Variants in CRYL1 observed in about 807,000 individuals in gnomAD.
The protein encoded by CRYL1 is lambda-crystallin homolog.
Under a neutral mutation model 36.6 loss-of-function variants are expected in CRYL1, and 29 were observed. The observed-to-expected ratio is 0.79, with a 90% CI of 0.59 to 1.08. The LOEUF is 1.08. Among genes scored for constraint, CRYL1 ranks in the 50% least tolerant of loss-of-function variants. The pLI is 0.00. For synonymous variants in CRYL1, 152 were observed against 151.5 expected, an observed-to-expected ratio of 1.00 and a Z score of -0.02; for missense variants, 411 against 407.9, an observed-to-expected ratio of 1.01 and a Z score of -0.06.
intron 3 of CRYL1, among the ~76,000 whole-genome samples, chr13:20,452,836 C>T (rs2032599314): frequency 6.6e-6 from 1 of 152,122 alleles, no homozygotes; most frequent in African/African-American, 2.4e-5. Context: ...TCTGTCCCTT[C>T]TTCTTAATTT....
chr13:20,432,144 G>A lies in CRYL1; in HGVS notation c.591C>T (p.Arg197=). Residue 197 remains arginine, a synonymous_variant, in exon 5 of 8, where the codon CGC becomes CGT. Coordinates refer to ENST00000298248, the MANE Select transcript of CRYL1 (RefSeq NM_015974.3). ...QKEVAGFVLN[R]LQYAIISEAW... ...CCTCGCTGATGATTGCATATTGCAG[G>A]CGGTTCAGAACGAAGCCGGCCACCT... 6.2e-7 allele frequency: 1 copy of A among 1,614,136 alleles called. No individual in the cohort carries two copies. The highest frequency in any genetic ancestry group is 1.1e-5 in the South Asian group (1 of 91,074).
Position 20,481,391 on chromosome 13 carries a change from A to G in CRYL1, c.276+7979T>C, listed in dbSNP as rs888006406. On this transcript the variant is annotated intron_variant, in intron 3 of 7. Coordinates refer to ENST00000298248, the MANE Select transcript of CRYL1 (RefSeq NM_015974.3). This position sits in a 1 kb window ranked among gnomAD's most constrained non-coding sequence, Gnocchi z 4.1. ...ATAACATTCTGGAGAAGGCAAAACTATAGGGACAAAGAACAGATCAGTGGT... is the reference window on the plus strand; with the variant it reads ...ATAACATTCTGGAGAAGGCAAAACTGTAGGGACAAAGAACAGATCAGTGGT... 3.3e-5 allele frequency among the ~76,000 whole-genome samples: 5 copies of G among 152,200 alleles called. No homozygotes were observed. Among genetic ancestry groups the G allele is most frequent in the Non-Finnish European group, 7.3e-5 (5 of 68,028 alleles).
chr13:20,494,314 C>A (rs1321052699), intron 2 of CRYL1, among the ~76,000 whole-genome samples: 3 of 152,204 alleles, frequency 2.0e-5, no homozygotes, highest in African/African-American at 7.2e-5. Flanking sequence ...AAGACTATTT[C>A]CTTTTCATAA....
intron 2 of CRYL1, among the ~76,000 whole-genome samples, chr13:20,509,708 AC>A (rs1264797775): frequency 1.3e-5 from 2 of 152,090 alleles, no homozygotes; most frequent in Non-Finnish European, 2.9e-5. Context: ...CGGGTGGATC[AC>A]CTGAGGTCAG....
At chr13:20,462,095 G>A (rs1461486555) in intron 3 of CRYL1, among the ~76,000 whole-genome samples, 1 of 145,394 alleles carries the variant, frequency 6.9e-6, no homozygotes, top group Non-Finnish European at 1.5e-5. Context: ...ACGGCCTGGT[G>A]AGAGGATGGG....
intron 1 of CRYL1, 144 bp from the exon 2 acceptor site, chr13:20,512,694 C>T (rs1230161107): frequency 1.4e-5 from 8 of 589,304 alleles, no homozygotes; most frequent in South Asian, 4.7e-5. Context: ...ACATTTTAGC[C>T]GGGCACAGAA....
intron 5 of CRYL1, chr13:20,430,975 T>A (rs1019818080): frequency 1.0e-6 from 1 of 985,276 alleles, no homozygotes; most frequent in African/African-American, 1.7e-5. Context: ...CCGAGCACTG[T>A]TTCTTGAAAA....
chr13:20,519,725 G>C (rs1443056741), intron 1 of CRYL1, among the ~76,000 whole-genome samples: 1 of 152,170 alleles, frequency 6.6e-6, no homozygotes, highest in Non-Finnish European at 1.5e-5. Context: ...TACAAAACCA[G>C]AGAGGGATGA....
chr13:20,442,093 A>G (rs2032363812), intron 3 of CRYL1, among the ~76,000 whole-genome samples: 1 of 152,226 alleles, frequency 6.6e-6, no homozygotes, highest in Non-Finnish European at 1.5e-5. Context: ...CTTGTAGCAA[A>G]GCCAGAGACG....
intron 2 of CRYL1, among the ~76,000 whole-genome samples, chr13:20,491,276 G>A (rs565684675): frequency 9.2e-5 from 12 of 130,382 alleles, no homozygotes; most frequent in South Asian, 2.7e-4. Context: ...TGGAAGATTC[G>A]TAATATATCA....
intron 3 of CRYL1, among the ~76,000 whole-genome samples, chr13:20,460,777 C>G (rs532667516): frequency 3.3e-5 from 5 of 152,132 alleles, no homozygotes; most frequent in Admixed American, 6.5e-5. Flanking sequence ...TGCCCGTCTC[C>G]GCCTCCCAAA....
chr13:20,519,130 C>T (rs2034051677), intron 1 of CRYL1, among the ~76,000 whole-genome samples: 2 of 151,924 alleles, frequency 1.3e-5, no homozygotes, highest in South Asian at 4.2e-4. Context: ...GGTGAGATCT[C>T]TAAGAAAGTG....
intron 3 of CRYL1, among the ~76,000 whole-genome samples, chr13:20,487,364 C>T (rs961267863): frequency 6.6e-6 from 1 of 152,056 alleles, no homozygotes; most frequent in African/African-American, 2.4e-5. Flanking sequence ...ATAAAATTTG[C>T]AGTGCCAGCA....
intron 5 of CRYL1, among the ~76,000 whole-genome samples, chr13:20,422,749 G>A (rs2031847841): frequency 6.6e-6 from 1 of 152,226 alleles, no homozygotes; most frequent in African/African-American, 2.4e-5. Flanking sequence ...CCAACAGTTT[G>A]TCATGTGCAT....
intron 3 of CRYL1, among the ~76,000 whole-genome samples, chr13:20,480,226 TA>T (rs2033248331): frequency 6.6e-6 from 1 of 151,894 alleles, no homozygotes; most frequent in Non-Finnish European, 1.5e-5. Context: ...ACTAAAAATA[TA>T]AAAATTATCC....
chr13:20,406,562 C>A (rs899410355), intron 6 of CRYL1, among the ~76,000 whole-genome samples: 1 of 152,190 alleles, frequency 6.6e-6, no homozygotes, highest in African/African-American at 2.4e-5. Context: ...AGCTTTCCAG[C>A]ACTGGATACG....
chr13:20,462,448 A>G (rs2032850883), intron 3 of CRYL1, among the ~76,000 whole-genome samples: 1 of 149,620 alleles, frequency 6.7e-6, no homozygotes, highest in African/African-American at 2.5e-5. Context: ...AGAGAACGGT[A>G]TTTTAATTGA....
At chr13:20,416,861 C>G (rs2031681066) in intron 5 of CRYL1, among the ~76,000 whole-genome samples, 1 of 152,280 alleles carries the variant, frequency 6.6e-6, no homozygotes, top group Middle Eastern at 3.4e-3. Flanking sequence ...CTGGGAGGAA[C>G]CACATTCCCT....
At chr13:20,436,899 C>A (rs1254135808) in intron 4 of CRYL1, among the ~76,000 whole-genome samples, 1 of 141,080 alleles carries the variant, frequency 7.1e-6, no homozygotes, top group Non-Finnish European at 1.5e-5. Context: ...GGGCTCCTAG[C>A]TGGCCTGGGG....
Sources: allele counts gnomAD v4.1 joint callset (sites outside exome capture counted in the v4.1 genomes callset), GRCh38; gene constraint gnomAD v4.1.1; non-coding constraint Gnocchi (gnomAD v3.1); transcripts MANE v1.5; gene names NCBI Gene and HGNC (gene_info 2026-07-23, HGNC 2026-07-21).